Variants in NPR3 observed in about 807,000 individuals in gnomAD.
NPR3 encodes atrial natriuretic peptide receptor 3.
NPR3 carries 34 observed loss-of-function variants against 54.5 expected under a neutral mutation model. The ratio of observed to expected loss-of-function variants is 0.62; its 90% CI spans 0.47 to 0.83. The LOEUF (loss-of-function observed/expected upper bound fraction) is 0.83, where lower values mean the gene tolerates loss of function less well. NPR3 is among the 40% of genes least tolerant of loss of function. The pLI, the probability that NPR3 is intolerant of heterozygous loss-of-function variation, is 0.00. For synonymous variants in NPR3, 289 were observed against 297.1 expected (o/e 0.97, Z 0.28); for missense variants, 674 against 720.8 (o/e 0.94, Z 0.74).
upstream of NPR3, chr5:32,710,834 G>C: frequency 7.5e-7 from 1 of 1,339,676 alleles, no homozygotes; most frequent in Admixed American, 2.9e-5. Context: ...ACAATTTCTA[G>C]AACCATCCCT....
chr5:32,706,659 CA>C (rs1469517132), upstream of NPR3, among the ~76,000 whole-genome samples: 8 of 152,324 alleles, frequency 5.3e-5, no homozygotes, highest in African/African-American at 1.9e-4. Flanking sequence ...TGTCATCAAA[CA>C]AAGGTGATTT....
chr5:32,721,358 T>C (rs1280293874), intron 1 of NPR3, among the ~76,000 whole-genome samples: 1 of 152,204 alleles, frequency 6.6e-6, no homozygotes, highest in Non-Finnish European at 1.5e-5. Context: ...AAGTGGCTAC[T>C]AACATTTACA....
chr5:32,695,281 T>C (rs1740495411), intron 1 of NPR3, among the ~76,000 whole-genome samples: 1 of 152,216 alleles, frequency 6.6e-6, no homozygotes, highest in Admixed American at 6.5e-5. Flanking sequence ...TTCTTTTTTT[T>C]TGAGACGGAG....
intron 1 of NPR3, chr5:32,716,831 T>C (rs1361523781): frequency 6.5e-6 from 1 of 153,660 alleles, no homozygotes; most frequent in African/African-American, 2.4e-5. Flanking sequence ...TAATTCTTTA[T>C]TTTAAATCTC....
At chr5:32,735,412 CT>C (rs1268822036) in intron 2 of NPR3, among the ~76,000 whole-genome samples, 23 of 147,964 alleles carry the variant, frequency 1.6e-4, no homozygotes, top group African/African-American at 5.2e-4. Context: ...CTCAAGGGCT[CT>C]ATCTCTTTTT....
chr5:32,714,410 G>T (rs1211789174), intron 1 of NPR3, among the ~76,000 whole-genome samples: 1 of 138,596 alleles, frequency 7.2e-6, no homozygotes, highest in African/African-American at 2.7e-5. Context: ...CCTGGGGACT[G>T]GTGCGCCCCG....
chr5:32,765,718 C>G (rs1304835892), intron 3 of NPR3, among the ~76,000 whole-genome samples: 1 of 152,176 alleles, frequency 6.6e-6, no homozygotes, highest in Non-Finnish European at 1.5e-5. Context: ...TCAGAGACGA[C>G]TTCAGTGAGA....
At chr5:32,706,667 A>T (rs1218863189), upstream of NPR3, among the ~76,000 whole-genome samples, 1 of 152,194 alleles carries the variant, frequency 6.6e-6, no homozygotes, top group Non-Finnish European at 1.5e-5. Flanking sequence ...AACAAAGGTG[A>T]TTTTGTGAGA....
intron 3 of NPR3, among the ~76,000 whole-genome samples, chr5:32,760,691 G>A (rs1416523910): frequency 1.4e-5 from 2 of 147,242 alleles, no homozygotes; most frequent in African/African-American, 5.0e-5. Flanking sequence ...AAATTTAGAT[G>A]TAGTCAGTTT....
chr5:32,764,381 A>G (rs532222051), intron 3 of NPR3, among the ~76,000 whole-genome samples: 2 of 152,214 alleles, frequency 1.3e-5, no homozygotes, highest in South Asian at 4.2e-4. Context: ...CCTCAAGGGA[A>G]AAGCCCTGTC....
At chr5:32,739,106 G>T in intron 3 of NPR3, 76 bp downstream of exon 3, 2 of 1,447,754 alleles carry the variant, frequency 1.4e-6, no homozygotes. Context: ...ATGACAGAGT[G>T]TCCCATTCTG....
intron 3 of NPR3, among the ~76,000 whole-genome samples, chr5:32,744,864 C>A (rs1740216035): frequency 6.6e-6 from 1 of 152,228 alleles, no homozygotes; most frequent in African/African-American, 2.4e-5. Flanking sequence ...TTTGTCTCTT[C>A]TACTGTAAAC....
upstream of NPR3, chr5:32,710,858 G>GTTTTTTTTTTTT (rs1561072778): frequency 6.7e-6 from 7 of 1,047,782 alleles, no homozygotes; most frequent in Admixed American, 4.4e-5. Flanking sequence ...CCCCAGTCCT[G>GTTTTTTTTTTTT]GTTTTTTTTT....
upstream of NPR3, among the ~76,000 whole-genome samples, chr5:32,706,563 A>G (rs555271962): frequency 1.6e-4 from 25 of 152,322 alleles, no homozygotes; most frequent in Middle Eastern, 3.4e-3. Context: ...TGTTTTGATA[A>G]AGTTAGTCAA....
intron 3 of NPR3, among the ~76,000 whole-genome samples, chr5:32,755,861 T>G (rs1468108634): frequency 1.3e-5 from 2 of 152,224 alleles, no homozygotes; most frequent in African/African-American, 4.8e-5. Context: ...GTGTTTGGTT[T>G]TTTGTTCTTG....
At chr5:32,710,863 T>A, upstream of NPR3, 4 of 1,275,522 alleles carry the variant, frequency 3.1e-6, no homozygotes, top group Non-Finnish European at 4.1e-6. Flanking sequence ...GTCCTGGTTT[T>A]TTTTTTTTTT....
intron 2 of NPR3, among the ~76,000 whole-genome samples, chr5:32,730,198 TAA>T (rs139957957): frequency 1.4e-5 from 2 of 147,760 alleles, no homozygotes; most frequent in African/African-American, 2.5e-5. Flanking sequence ...TTAAGGAAGT[TAA>T]AAAAAAAAGG....
intron 2 of NPR3, among the ~76,000 whole-genome samples, 153 bp from the exon 3 acceptor site, chr5:32,738,711 G>A (rs960614238): frequency 6.6e-6 from 1 of 152,118 alleles, no homozygotes; most frequent in Non-Finnish European, 1.5e-5. Flanking sequence ...TGGTCTTGAC[G>A]TTGTCCCATC....
intron 3 of NPR3, among the ~76,000 whole-genome samples, chr5:32,758,991 T>C (rs1292086120): frequency 1.3e-5 from 2 of 152,248 alleles, no homozygotes; most frequent in Non-Finnish European, 2.9e-5. Flanking sequence ...ATTTCTGTTC[T>C]TTTACATTTT....
Sources: allele counts gnomAD v4.1 joint callset (sites outside exome capture counted in the v4.1 genomes callset), GRCh38; gene constraint gnomAD v4.1.1; transcripts MANE v1.5; gene names NCBI Gene and HGNC (gene_info 2026-07-23, HGNC 2026-07-21).